The following SLC7A9 variants were observed in gnomAD, a reference collection of about 807,000 sequenced individuals.
SLC7A9 encodes solute carrier family 7 member 9.
In SLC7A9, 38 loss-of-function variants were observed where a neutral mutation model predicts 54.1. That is an observed-to-expected ratio of 0.70 (90% CI 0.54 to 0.92). The LOEUF (loss-of-function observed/expected upper bound fraction) is 0.92, where lower values mean the gene tolerates loss of function less well. Ranked by LOEUF, SLC7A9 falls within the 40% of genes least tolerant of loss-of-function variation. SLC7A9 has a pLI of 0.00. For missense variants in SLC7A9, 537 were observed against 636.1 expected (o/e 0.84, Z 1.68); for synonymous variants, 264 against 258.9 (o/e 1.02, Z -0.19).
intron 11 of SLC7A9, among the ~76,000 whole-genome samples, chr19:32,838,800 CATATAT>C (rs891416638): frequency 6.9e-6 from 1 of 145,388 alleles, no homozygotes; most frequent in Non-Finnish European, 1.5e-5. Context: ...CAAATATATA[CATATAT>C]ATCTATTATA....
intron 2 of SLC7A9, among the ~76,000 whole-genome samples, chr19:32,865,967 A>G (rs1968957460): frequency 6.6e-6 from 1 of 151,976 alleles, no homozygotes; most frequent in Non-Finnish European, 1.5e-5. Flanking sequence ...TCAAAAAAAA[A>G]AAAAAAAACC....
intron 9 of SLC7A9, among the ~76,000 whole-genome samples, chr19:32,856,270 C>T (rs1436157670): frequency 1.3e-5 from 2 of 150,558 alleles, no homozygotes; most frequent in African/African-American, 4.9e-5. Context: ...TCTTGGCTCA[C>T]TGTAAGCTCT....
intron 6 of SLC7A9, among the ~76,000 whole-genome samples, chr19:32,861,261 T>C (rs1478454228): frequency 6.6e-6 from 1 of 151,336 alleles, no homozygotes; most frequent in Non-Finnish European, 1.5e-5. Flanking sequence ...CCTGGGGGAT[T>C]CAAGCAATTG....
intron 1 of SLC7A9, among the ~76,000 whole-genome samples, chr19:32,869,238 A>AT (rs1429086783): frequency 6.6e-6 from 1 of 151,982 alleles, no homozygotes; most frequent in Non-Finnish European, 1.5e-5. Flanking sequence ...ATATATATAT[A>AT]AAAAATTAAA....
At position 32,859,919 on chromosome 19, in the gene SLC7A9, C is replaced by G. The variant is rs750191557; in HGVS notation, c.795G>C (p.Ala265=). 3 of 1,614,026 alleles carry G rather than the reference C, an allele frequency of 1.9e-6. No individual in the cohort carries two copies. The highest frequency in any genetic ancestry group is 2.7e-5 in the African/African-American group (2 of 74,918). ...AGGACACGTTCATGAGGATGTAGCA[C>G]GCCGTCACCAGGGGGATCCCGATGA... ...AIIIGIPLVT[A]CYILMNVSYF... The change falls in exon 8 of 13, where the codon GCG becomes GCC. Residue 265 remains alanine, a synonymous_variant. Transcript: ENST00000023064.
At chr19:32,863,100 G>A (rs1404818372) in intron 4 of SLC7A9, 10 of 151,128 alleles carry the variant, frequency 6.6e-5, no homozygotes, top group Admixed American at 5.9e-4. Flanking sequence ...TCCAATTTTT[G>A]TAATTTTATT....
At chr19:32,845,324 G>A (rs11668135) in intron 9 of SLC7A9, among the ~76,000 whole-genome samples, 15,825 of 151,786 alleles carry the variant, frequency 0.1, 1,031 homozygotes, top group Middle Eastern at 0.17. Context: ...GGGAAACCCC[G>A]TCTTTACTAA....
intron 9 of SLC7A9, among the ~76,000 whole-genome samples, chr19:32,858,132 G>A (rs1269208020): frequency 1.3e-5 from 2 of 152,222 alleles, no homozygotes; most frequent in Admixed American, 6.5e-5. Flanking sequence ...TTCACGCGGT[G>A]TCGCTTCCCT....
intron 12 of SLC7A9, 136 bp downstream of exon 12, chr19:32,833,013 A>C (rs1207055512): frequency 1.2e-6 from 1 of 862,576 alleles, no homozygotes; most frequent in Non-Finnish European, 2.0e-6. Context: ...GGGCGTGGGC[A>C]TGTGTCCTCC....
rs967291621 is a variant in SLC7A9 at position 32,850,455 on chromosome 19, G to C, written c.978-6504C>G. Among the ~76,000 whole-genome samples the C allele has an allele frequency of 7.3e-4, 110 of 151,656 alleles. 1 individual carries two copies. Among genetic ancestry groups the C allele is most frequent in the East Asian group, 6.8e-3 (35 of 5,172 alleles). ...TGCTTCAAAGAGAATAAAATACCTA[G>C]GAATCCAACTTACAAGGGATGTGAA... On this transcript the variant is annotated intron_variant, in intron 9 of 12. Coordinates refer to ENST00000023064, the MANE Select transcript of SLC7A9 (RefSeq NM_014270.5).
intron 11 of SLC7A9, among the ~76,000 whole-genome samples, chr19:32,837,028 A>ATTT (rs1241047254): frequency 6.6e-6 from 1 of 151,808 alleles, no homozygotes; most frequent in Non-Finnish European, 1.5e-5. Flanking sequence ...ATTTAAATGG[A>ATTT]GTAAGCCCGT....
chr19:32,868,980 G>A (rs766822551), intron 1 of SLC7A9, among the ~76,000 whole-genome samples: 8 of 151,758 alleles, frequency 5.3e-5, no homozygotes, highest in Non-Finnish European at 1.2e-4. Flanking sequence ...AGGCCGAGGT[G>A]GGTGGATCAC....
intron 10 of SLC7A9, among the ~76,000 whole-genome samples, chr19:32,842,627 G>GTTTTGTTTT (rs373932066): frequency 3.3e-5 from 5 of 151,818 alleles, no homozygotes; most frequent in African/African-American, 9.7e-5. Context: ...GTTTTGTTTT[G>GTTTTGTTTT]TTTGAGATGG....
At chr19:32,865,456 G>A (rs1245831102) in intron 2 of SLC7A9, among the ~76,000 whole-genome samples, 9 of 152,174 alleles carry the variant, frequency 5.9e-5, no homozygotes, top group Non-Finnish European at 1.0e-4. Context: ...GGCGTAAGCC[G>A]CCGTGCCTGG....
intron 2 of SLC7A9, among the ~76,000 whole-genome samples, chr19:32,867,012 C>T (rs757628040): frequency 3.8e-4 from 58 of 152,320 alleles, no homozygotes; most frequent in Admixed American, 1.3e-3. Flanking sequence ...TCCTTTCTGC[C>T]TTCCCCCCAG....
At chr19:32,851,721 C>T (rs1193109250) in intron 9 of SLC7A9, among the ~76,000 whole-genome samples, 3 of 152,104 alleles carry the variant, frequency 2.0e-5, no homozygotes, top group African/African-American at 7.2e-5. Flanking sequence ...CACATGCACA[C>T]GTATGTTTAT....
intron 11 of SLC7A9, among the ~76,000 whole-genome samples, chr19:32,840,147 G>T (rs1421704795): frequency 6.6e-6 from 1 of 151,836 alleles, no homozygotes; most frequent in East Asian, 1.9e-4. Flanking sequence ...CTGTTTCCTA[G>T]CATGTTTCTT....
At chr19:32,834,458 C>T (rs1002081402) in intron 11 of SLC7A9, among the ~76,000 whole-genome samples, 4 of 151,966 alleles carry the variant, frequency 2.6e-5, no homozygotes, top group Non-Finnish European at 5.9e-5. Context: ...GGTGAAACCC[C>T]GTCTCTACTA....
rs531036761 is a variant in SLC7A9, at chr19:32,833,379, TAAAA to T, written c.1225-60_1225-57del. On this transcript the variant is annotated intron_variant, in intron 11 of 12. Coordinates refer to ENST00000023064, the MANE Select transcript of SLC7A9 (RefSeq NM_014270.5). The stretch of plus-strand genomic sequence containing the variant: ...ATTTTCTTTTTGAAATTTTTCATGA[TAAAA>T]AACCGATTTTTATAAAAAGAGTATG... 413 of 1,533,342 alleles carry T rather than the reference TAAAA, an allele frequency of 2.7e-4. 1 individual carries two copies. The African/African-American group carries it at 4.6e-3, about 17-fold the overall frequency. 95.0% of individuals were successfully genotyped at this position (1,533,342 alleles called of 1,614,324 possible).
Sources: gnomAD v4.1 joint callset for allele counts (sites outside exome capture counted in the v4.1 genomes callset) on GRCh38, gnomAD v4.1.1 for gene constraint, MANE v1.5 for transcripts, NCBI Gene and HGNC (gene_info 2026-07-23, HGNC 2026-07-21) for gene names.